STARD13: variants seen among roughly 807,000 people sequenced by gnomAD.
STARD13 encodes StAR related lipid transfer domain containing 13.
A neutral mutation model predicts 106.4 loss-of-function variants in STARD13; 62 were observed. The ratio of observed to expected loss-of-function variants is 0.58; its 90% CI spans 0.48 to 0.72. STARD13 has a LOEUF of 0.72. Among genes scored for constraint, STARD13 ranks in the 30% least tolerant of loss-of-function variants. The pLI, the probability that STARD13 is intolerant of heterozygous loss-of-function variation, is 0.00. For synonymous variants in STARD13, 565 were observed against 553.0 expected (o/e 1.02, Z -0.31); for missense variants, 1,387 against 1,424.0 (o/e 0.97, Z 0.42).
At chr13:33,628,148 A>AACACACAC in the STARD13 span, among the ~76,000 whole-genome samples, 1,161 of 133,396 alleles carry the variant, frequency 8.7e-3, 5 homozygotes, top group African/African-American at 0.02. Context: ...TCTCTTGTAA[A>AACACACAC]ACACACACAC....
At chr13:33,551,077 A>G in the STARD13 span, among the ~76,000 whole-genome samples, 2 of 152,166 alleles carry the variant, frequency 1.3e-5, no homozygotes, top group Non-Finnish European at 2.9e-5. Context: ...TACCACAGAG[A>G]AGAGAATAAG....
chr13:33,301,558 C>CT (rs1435191465), intron 1 of STARD13, among the ~76,000 whole-genome samples: 24 of 13,032 alleles, frequency 1.8e-3, no homozygotes, highest in Non-Finnish European at 2.1e-3. Context: ...GTTTCTTTTT[C>CT]TTTTTTTTTC....
At chr13:33,352,195 A>T (rs1020515915), upstream of STARD13, among the ~76,000 whole-genome samples, 5 of 152,212 alleles carry the variant, frequency 3.3e-5, no homozygotes, top group Admixed American at 6.5e-5. Flanking sequence ...CTTTCTGGAC[A>T]CAAGCCAAAT....
intron 3 of STARD13, among the ~76,000 whole-genome samples, chr13:33,147,158 C>T (rs1880657343): frequency 6.6e-6 from 1 of 152,210 alleles, no homozygotes; most frequent in South Asian, 2.1e-4. Context: ...ATGGTAATAA[C>T]AGTTGAGCCA....
the STARD13 span, among the ~76,000 whole-genome samples, chr13:33,381,974 G>A: frequency 5.3e-5 from 8 of 152,104 alleles, no homozygotes; most frequent in Non-Finnish European, 1.0e-4. Context: ...CTACAGAGAC[G>A]GAACTGACTT....
At chr13:33,344,362 AAAAC>A (rs1304175664), downstream of STARD13, among the ~76,000 whole-genome samples, 4 of 152,250 alleles carry the variant, frequency 2.6e-5, no homozygotes, top group African/African-American at 4.8e-5. Flanking sequence ...AGATGTTTAA[AAAAC>A]AAACAAAAAA....
the STARD13 span, among the ~76,000 whole-genome samples, chr13:33,457,430 A>G: frequency 6.6e-6 from 1 of 152,194 alleles, no homozygotes; most frequent in South Asian, 2.1e-4. Flanking sequence ...GTTTACAAAG[A>G]TTTGGGGGAA....
At chr13:33,546,638 G>A in the STARD13 span, among the ~76,000 whole-genome samples, 1 of 149,276 alleles carries the variant, frequency 6.7e-6, no homozygotes, top group Non-Finnish European at 1.5e-5. Context: ...TTATTATTGT[G>A]TTGTCGTATT....
chr13:33,666,800 C>G, the STARD13 span, among the ~76,000 whole-genome samples: 1 of 152,136 alleles, frequency 6.6e-6, no homozygotes, highest in Non-Finnish European at 1.5e-5. Flanking sequence ...CCATGTTGGC[C>G]AGGCTGGTCT....
intron 1 of STARD13, among the ~76,000 whole-genome samples, chr13:33,296,752 G>A (rs570858379): frequency 1.3e-5 from 2 of 152,216 alleles, no homozygotes; most frequent in Admixed American, 1.3e-4. Flanking sequence ...CCAAGTAGCT[G>A]GGATTACAGG....
chr13:33,192,494 T>C (rs544599768), intron 1 of STARD13, among the ~76,000 whole-genome samples: 10 of 152,354 alleles, frequency 6.6e-5, no homozygotes, highest in African/African-American at 2.2e-4. Context: ...CATTCAAATA[T>C]TCTGCTTAAA....
At chr13:33,131,270 T>A (rs557428287) in intron 4 of STARD13, among the ~76,000 whole-genome samples, 1 of 152,194 alleles carries the variant, frequency 6.6e-6, no homozygotes, top group Non-Finnish European at 1.5e-5. Context: ...TCTGAACTGA[T>A]TTTCAAATCT....
intron 1 of STARD13, among the ~76,000 whole-genome samples, chr13:33,330,110 T>C (rs2077820260): frequency 6.6e-6 from 1 of 152,214 alleles, no homozygotes; most frequent in Non-Finnish European, 1.5e-5. Context: ...GAGAGCTCTT[T>C]ACAATCCTGT....
At chr13:33,546,287 T>A in the STARD13 span, among the ~76,000 whole-genome samples, 3 of 152,226 alleles carry the variant, frequency 2.0e-5, no homozygotes, top group Non-Finnish European at 2.9e-5. Context: ...AAAAAGCATT[T>A]GTCTAAGAAG....
the STARD13 span, among the ~76,000 whole-genome samples, chr13:33,525,993 A>C: frequency 5.9e-5 from 9 of 152,296 alleles, no homozygotes; most frequent in Admixed American, 1.3e-4. Flanking sequence ...ACACAGGAGC[A>C]TGCCAAGTCT....
chr13:33,670,473 C>T, the STARD13 span, among the ~76,000 whole-genome samples: 2 of 152,150 alleles, frequency 1.3e-5, no homozygotes, highest in Non-Finnish European at 2.9e-5. Flanking sequence ...AGTACAAATT[C>T]TTCCAATGAG....
At chr13:33,553,105 G>T in the STARD13 span, among the ~76,000 whole-genome samples, 2 of 151,900 alleles carry the variant, frequency 1.3e-5, no homozygotes, top group Non-Finnish European at 2.9e-5. Flanking sequence ...ATTTTGAAAT[G>T]GATAATTCAA....
At chr13:33,217,909 T>G (rs940695636) in intron 1 of STARD13, among the ~76,000 whole-genome samples, 6 of 152,160 alleles carry the variant, frequency 3.9e-5, no homozygotes, top group Non-Finnish European at 7.4e-5. Context: ...TGATTTATTT[T>G]AAAAGAGAAA....
intron 1 of STARD13, 128 bp from the exon 2 acceptor site, chr13:33,167,750 C>T (rs1248766313): frequency 1.1e-6 from 1 of 900,184 alleles, no homozygotes; most frequent in Non-Finnish European, 1.8e-6. Context: ...CCAGGTAAGT[C>T]TGCATAAGTA....
Sources: gnomAD v4.1 joint callset for allele counts (sites outside exome capture counted in the v4.1 genomes callset) on GRCh38, gnomAD v4.1.1 for gene constraint, MANE v1.5 for transcripts, NCBI Gene and HGNC (gene_info 2026-07-23, HGNC 2026-07-21) for gene names.